Variants in GALNT13 observed in about 807,000 individuals in gnomAD.
GALNT13 encodes UDP-GalNAc:polypeptide N-acetylgalactosaminyltransferase 13.
In GALNT13, 28 loss-of-function variants were observed where a neutral mutation model predicts 64.2. That is an observed-to-expected ratio of 0.44 (90% CI 0.32 to 0.60). The LOEUF (loss-of-function observed/expected upper bound fraction) is 0.60, where lower values mean the gene tolerates loss of function less well. GALNT13 is among the 20% of genes least tolerant of loss of function. The pLI, the probability that GALNT13 is intolerant of heterozygous loss-of-function variation, is 0.05. For missense variants in GALNT13, 577 were observed against 669.8 expected (o/e 0.86, Z 1.53); for synonymous variants, 214 against 224.6 (o/e 0.95, Z 0.42).
chr2:153,139,503 G>A, the GALNT13 span, among the ~76,000 whole-genome samples: 273 of 152,120 alleles, frequency 1.8e-3, no homozygotes, highest in African/African-American at 5.9e-3. Flanking sequence ...ACGATGGGGC[G>A]AGGGAGAGGG....
chr2:153,748,392 C>A, the GALNT13 span, among the ~76,000 whole-genome samples: 1 of 152,144 alleles, frequency 6.6e-6, no homozygotes, highest in African/African-American at 2.4e-5. Context: ...TATATTCTCA[C>A]TGAAAGTGTA....
intron 3 of GALNT13, among the ~76,000 whole-genome samples, chr2:154,071,136 T>C (rs965574919): frequency 1.3e-5 from 2 of 152,170 alleles, no homozygotes; most frequent in Non-Finnish European, 2.9e-5. Context: ...TATTGAAAGT[T>C]TCAAAAATCT....
At chr2:153,747,898 C>A in the GALNT13 span, among the ~76,000 whole-genome samples, 2 of 152,024 alleles carry the variant, frequency 1.3e-5, no homozygotes, top group Non-Finnish European at 2.9e-5. Context: ...ATATATGTAC[C>A]ATTGTGTCTA....
At chr2:153,913,134 G>T (rs1408450207) in intron 2 of GALNT13, among the ~76,000 whole-genome samples, 2 of 152,188 alleles carry the variant, frequency 1.3e-5, no homozygotes, top group African/African-American at 4.8e-5. Flanking sequence ...CACACTGGTG[G>T]TGGTGGCTGC....
chr2:153,378,725 C>T, the GALNT13 span, among the ~76,000 whole-genome samples: 14 of 152,160 alleles, frequency 9.2e-5, no homozygotes, highest in Admixed American at 3.3e-4. Context: ...CCCCTTTAAA[C>T]GCTTGAAAAA....
chr2:154,338,749 G>C (rs994543268), intron 9 of GALNT13, among the ~76,000 whole-genome samples: 3 of 152,020 alleles, frequency 2.0e-5, no homozygotes, highest in Non-Finnish European at 1.5e-5. Flanking sequence ...GGGAAATTTA[G>C]GTCTGGTGGA....
At chr2:154,189,358 AC>A (rs1449926691) in intron 4 of GALNT13, among the ~76,000 whole-genome samples, 1 of 151,942 alleles carries the variant, frequency 6.6e-6, no homozygotes, top group Non-Finnish European at 1.5e-5. Context: ...TGGAGATGGA[AC>A]CTTTGAAAAG....
intron 4 of GALNT13, among the ~76,000 whole-genome samples, chr2:154,195,778 T>C (rs1686847031): frequency 6.6e-6 from 1 of 152,128 alleles, no homozygotes; most frequent in Admixed American, 6.6e-5. Flanking sequence ...AACAATTGGA[T>C]AGTGATATTT....
At chr2:153,891,567 A>G (rs1687554750) in intron 1 of GALNT13, among the ~76,000 whole-genome samples, 1 of 152,048 alleles carries the variant, frequency 6.6e-6, no homozygotes, top group African/African-American at 2.4e-5. Context: ...AGGGTTTAAA[A>G]TTGAAAAGGA....
At chr2:153,673,709 C>A in the GALNT13 span, among the ~76,000 whole-genome samples, 180 of 152,200 alleles carry the variant, frequency 1.2e-3, 1 homozygote, top group Admixed American at 6.6e-3. Flanking sequence ...CTGGCCAGGG[C>A]AATCAGACAA....
At chr2:153,157,402 A>C in the GALNT13 span, among the ~76,000 whole-genome samples, 1 of 152,188 alleles carries the variant, frequency 6.6e-6, no homozygotes, top group Non-Finnish European at 1.5e-5. Flanking sequence ...GAGCTGGTAC[A>C]TTGCAATGGG....
the GALNT13 span, among the ~76,000 whole-genome samples, chr2:153,277,918 C>CT: frequency 7.6e-5 from 3 of 39,224 alleles, no homozygotes; most frequent in African/African-American, 2.0e-4. Flanking sequence ...CTTTTGTTTT[C>CT]TTTTCTTTCT....
At chr2:153,577,015 T>C in the GALNT13 span, among the ~76,000 whole-genome samples, 2 of 152,134 alleles carry the variant, frequency 1.3e-5, no homozygotes, top group Admixed American at 1.3e-4. Context: ...CTGAAAACCA[T>C]ATAGAAGTGG....
chr2:153,211,707 A>G, the GALNT13 span, among the ~76,000 whole-genome samples: 2 of 152,152 alleles, frequency 1.3e-5, no homozygotes, highest in Non-Finnish European at 2.9e-5. Flanking sequence ...TTATGCCTGG[A>G]AAGAGGAGAA....
At chr2:153,512,950 T>G in the GALNT13 span, among the ~76,000 whole-genome samples, 1 of 152,314 alleles carries the variant, frequency 6.6e-6, no homozygotes, top group Middle Eastern at 3.4e-3. Flanking sequence ...CCCTGTAATA[T>G]TAATTGTTTT....
the GALNT13 span, among the ~76,000 whole-genome samples, chr2:153,224,464 T>G: frequency 6.7e-6 from 1 of 149,360 alleles, no homozygotes; most frequent in South Asian, 2.1e-4. Context: ...AACATGCCCA[T>G]GTACCCCCTG....
Position 154,194,139 on chromosome 2 carries a change from G to GT in GALNT13, c.312-47883dup, listed in dbSNP as rs201969934. On this transcript the variant is annotated intron_variant, in intron 4 of 12. Transcript: ENST00000392825. ...CCTCAAGAGGTAAGTCTCATCATGT[G>GT]TTTTTTTTCTTTTAAAGTTCCAAAG... Among the ~76,000 whole-genome samples the GT allele has an allele frequency of 1.4e-4, 21 of 151,928 alleles. No homozygotes were observed. The East Asian group carries it at 1.7e-3, about 13-fold the overall frequency.
chr2:153,084,027 G>C, the GALNT13 span, among the ~76,000 whole-genome samples: 4 of 152,108 alleles, frequency 2.6e-5, no homozygotes, highest in African/African-American at 9.7e-5. Flanking sequence ...TGTTTGCTTT[G>C]TTGAAGATCA....
the GALNT13 span, among the ~76,000 whole-genome samples, chr2:153,785,903 C>T: frequency 1.3e-5 from 2 of 152,104 alleles, no homozygotes; most frequent in Non-Finnish European, 2.9e-5. Flanking sequence ...CAGCACAGAG[C>T]AGCCACCTCA....
Sources: gnomAD v4.1 joint callset for allele counts (sites outside exome capture counted in the v4.1 genomes callset) on GRCh38, gnomAD v4.1.1 for gene constraint, MANE v1.5 for transcripts, NCBI Gene and HGNC (gene_info 2026-07-23, HGNC 2026-07-21) for gene names.